Variants in PCDHGC3 observed in about 807,000 individuals in gnomAD.
PCDHGC3 encodes protocadherin gamma-C3.
Under a neutral mutation model 59.2 loss-of-function variants are expected in PCDHGC3, and 26 were observed. The observed-to-expected ratio is 0.44, with a 90% CI of 0.32 to 0.61. The LOEUF (loss-of-function observed/expected upper bound fraction) is 0.61. Ranked by LOEUF, PCDHGC3 falls within the 20% of genes least tolerant of loss-of-function variation. The pLI, the probability that PCDHGC3 is intolerant of heterozygous loss-of-function variation, is 0.05. For missense variants in PCDHGC3, 1,080 were observed against 1,221.8 expected (o/e 0.88, Z 1.73); for synonymous variants, 487 against 519.7 (o/e 0.94, Z 0.86).
chr5:141,509,067 C>T (rs987332283), intron 3 of PCDHGC3, among the ~76,000 whole-genome samples: 1 of 152,132 alleles, frequency 6.6e-6, no homozygotes, highest in African/African-American at 2.4e-5. Flanking sequence ...CTCTCAGCTC[C>T]GGGGATTTGC....
rs1399844519 is a variant in PCDHGC3 at position 141,477,484 on chromosome 5, A to G, written c.1368A>G (p.Gln456=). 1.2e-6 allele frequency: 2 copies of G among 1,614,014 alleles called. No homozygotes were observed. The highest frequency in any genetic ancestry group is 1.7e-6 in the Non-Finnish European group (2 of 1,180,006). ...QVSDINDNPP[Q]SSQSSYDVYI... ...CCGACATCAATGACAACCCTCCACAATCTTCTCAATCTTCCTACGACGTTT... is the reference window on the plus strand; with the variant it reads ...CCGACATCAATGACAACCCTCCACAGTCTTCTCAATCTTCCTACGACGTTT... Residue 456 remains glutamine, a synonymous_variant, in exon 1 of 4, where the codon CAA becomes CAG. Coordinates refer to ENST00000308177, the MANE Select transcript of PCDHGC3 (RefSeq NM_002588.4). This position sits in a 1 kb window ranked among gnomAD's most constrained non-coding sequence, Gnocchi z 4.9.
intron 3 of PCDHGC3, among the ~76,000 whole-genome samples, chr5:141,506,781 T>C (rs965408564): frequency 1.4e-4 from 22 of 152,168 alleles, no homozygotes; most frequent in African/African-American, 5.3e-4. Context: ...CCTGGGCTTA[T>C]AAGGAGGCTG....
intron 2 of PCDHGC3, among the ~76,000 whole-genome samples, chr5:141,499,612 C>T (rs1489412444): frequency 6.6e-6 from 1 of 151,968 alleles, no homozygotes; most frequent in African/African-American, 2.4e-5. Context: ...TACCCTTATC[C>T]TGTCCTTGGA....
rs1185020546 is a variant in PCDHGC3, at chr5:141,485,472, C to A, written c.2430+6926C>A. 3 of 1,614,138 alleles carry A rather than the reference C, an allele frequency of 1.9e-6. No homozygotes were observed. Among genetic ancestry groups the A allele is most frequent in the Non-Finnish European group, 2.5e-6 (3 of 1,180,022 alleles). On this transcript the variant is annotated intron_variant, in intron 1 of 3. Transcript: ENST00000308177. The surrounding 1 kb of genome is among the most constrained non-coding windows in gnomAD (Gnocchi z 5.7). The stretch of plus-strand genomic sequence containing the variant: ...CGAGAGGCACTGTGTGGGCTCAGTG[C>A]CAGCTGCATCGTGCCCCTGGAGTTT...
At chr5:141,503,335 G>A (rs111643076) in intron 2 of PCDHGC3, among the ~76,000 whole-genome samples, 108 of 152,220 alleles carry the variant, frequency 7.1e-4, no homozygotes, top group African/African-American at 2.4e-3. Context: ...GGTGGCTCAC[G>A]CCTGTAATTC....
chr5:141,479,941 T>C (rs983830280), intron 1 of PCDHGC3, among the ~76,000 whole-genome samples: 2 of 152,194 alleles, frequency 1.3e-5, no homozygotes, highest in Admixed American at 6.5e-5. Context: ...TGCTATCAAC[T>C]CTTGGATTTG....
chr5:141,492,084 G>A (rs979755390), intron 1 of PCDHGC3, among the ~76,000 whole-genome samples: 1 of 152,236 alleles, frequency 6.6e-6, no homozygotes, highest in Non-Finnish European at 1.5e-5. Flanking sequence ...GCTCCGGCAC[G>A]CTTCGCCGGT....
Position 141,486,059 on chromosome 5 carries a change from C to A in PCDHGC3, c.2430+7513C>A. On this transcript the variant is annotated intron_variant, in intron 1 of 3. Transcript: ENST00000308177. This position sits in a 1 kb window ranked among gnomAD's most constrained non-coding sequence, Gnocchi z 5.0. ...TCGTGTAAGAAACCTCTTTAGCCTG[C>A]ACCCCACTACTGGAAAGCTTACTCT... 1 of 1,614,152 alleles carries A rather than the reference C, an allele frequency of 6.2e-7. No homozygotes were observed. Among genetic ancestry groups the A allele is most frequent in the Non-Finnish European group, 8.5e-7 (1 of 1,180,010 alleles).
rs775963212 is a variant in PCDHGC3, at chr5:141,485,463, G to T, written c.2430+6917G>T. ...CCAATCGACCGAGAGGCACTGTGTG[G>T]GCTCAGTGCCAGCTGCATCGTGCCC... On this transcript the variant is annotated intron_variant, in intron 1 of 3. Coordinates refer to ENST00000308177, the MANE Select transcript of PCDHGC3 (RefSeq NM_002588.4). The surrounding 1 kb of genome is among the most constrained non-coding windows in gnomAD (Gnocchi z 5.7). The T allele has an allele frequency of 1.2e-6, 2 of 1,614,086 alleles. No individual in the cohort carries two copies. The highest frequency in any genetic ancestry group is 3.3e-5 in the Admixed American group (2 of 60,026).
chr5:141,490,380 T>A lies in PCDHGC3; in HGVS notation c.2431-4427T>A. On this transcript the variant is annotated intron_variant, in intron 1 of 3. Coordinates refer to ENST00000308177, the MANE Select transcript of PCDHGC3 (RefSeq NM_002588.4). The surrounding 1 kb of genome is among the most constrained non-coding windows in gnomAD (Gnocchi z 5.4). ...TTAATGTGCGAGACCGGGACTCAGG[T>A]AGAAATGGTGAAGTGAGCCTTGATA... 6.2e-7 allele frequency: 1 copy of A among 1,614,204 alleles called. No homozygotes were observed. The highest frequency in any genetic ancestry group is 1.7e-5 in the Admixed American group (1 of 60,026).
At position 141,498,920 on chromosome 5, in the gene PCDHGC3, G is replaced by A. The variant is rs930391165; in HGVS notation, c.2489+4055G>A. On this transcript the variant is annotated intron_variant, in intron 2 of 3. Transcript: ENST00000308177. ...TGCACTCCAGTCTGGGTGACAGAGC[G>A]AGACTCCATCAGGAAAGAAAGAAAG... 3.3e-4 allele frequency among the ~76,000 whole-genome samples: 47 copies of A among 142,950 alleles called. 1 individual carries two copies. Among genetic ancestry groups the A allele is most frequent in the African/African-American group, 8.9e-4 (35 of 39,160 alleles). The allele number at this position is 142,950 out of a possible 152,430, so 93.8% of individuals were successfully genotyped here. A position where few individuals can be genotyped will look rare whatever the true frequency, so the allele number is the denominator to read the frequency against.
chr5:141,510,621 A>G (rs1317150967), intron 3 of PCDHGC3, among the ~76,000 whole-genome samples: 1 of 152,176 alleles, frequency 6.6e-6, no homozygotes, highest in Non-Finnish European at 1.5e-5. Flanking sequence ...CACTAAAACC[A>G]GAAGAGGTGG....
chr5:141,488,480 C>A (rs935896624), intron 1 of PCDHGC3, among the ~76,000 whole-genome samples: 6 of 152,298 alleles, frequency 3.9e-5, no homozygotes, highest in African/African-American at 1.4e-4. Flanking sequence ...GTTCCCCTAC[C>A]CAAAAACTGT....
rs1177173734 is a variant in PCDHGC3, at chr5:141,491,741, G to A, written c.2431-3066G>A. ...CCGCCCCGGGCGACCCCTGGGGGCG[G>A]CACTGGAGAAGCCGCCCGTCCTCAT... On this transcript the variant is annotated intron_variant, in intron 1 of 3. Coordinates refer to ENST00000308177, the MANE Select transcript of PCDHGC3 (RefSeq NM_002588.4). The surrounding 1 kb of genome is among the most constrained non-coding windows in gnomAD (Gnocchi z 6.9). 1.9e-6 allele frequency: 3 copies of A among 1,595,644 alleles called. No homozygotes were observed. In the South Asian group the frequency reaches 3.4e-5, roughly 18 times the overall value.
intron 1 of PCDHGC3, among the ~76,000 whole-genome samples, chr5:141,492,337 C>T (rs559700346): frequency 1.0e-3 from 158 of 152,324 alleles, no homozygotes; most frequent in African/African-American, 3.7e-3. Flanking sequence ...TACGCGAATA[C>T]CAGCTTTCAC....
In PCDHGC3 at chr5:141,494,863, C is replaced by A. The variant is rs538734954; in HGVS notation, c.2487C>A (p.Ser829Arg). 17 of 1,614,118 alleles carry A rather than the reference C, an allele frequency of 1.1e-5. No individual in the cohort carries two copies. Among genetic ancestry groups the A allele is most frequent in the Non-Finnish European group, 1.4e-5 (17 of 1,179,994 alleles). Residue 829 changes from serine to arginine, a missense_variant and splice_region_variant, in exon 2 of 4, where the codon AGC becomes AGA. By Grantham distance (110) the Ser-to-Arg change is moderately radical. Transcript: ENST00000308177. ...RFSQAQRPGT[S>R]GSQNGDDTGT... ...CTCAGGCCCAGAGACCCGGCACCAG[C>A]GGGTAGGTGACTGATTCTCCAGCCC...
chr5:141,501,945 T>G (rs1318749969), intron 2 of PCDHGC3, among the ~76,000 whole-genome samples: 5 of 152,106 alleles, frequency 3.3e-5, no homozygotes, highest in African/African-American at 1.2e-4. Context: ...CACTGCTCCC[T>G]GTGACAGGTC....
intron 3 of PCDHGC3, among the ~76,000 whole-genome samples, chr5:141,510,203 G>A (rs1164886289): frequency 6.6e-6 from 1 of 151,680 alleles, no homozygotes; most frequent in Non-Finnish European, 1.5e-5. Flanking sequence ...AGCCCAGGAG[G>A]CAGAGGTTGC....
intron 1 of PCDHGC3, among the ~76,000 whole-genome samples, chr5:141,482,053 C>G (rs2099551080): frequency 6.6e-6 from 1 of 150,558 alleles, no homozygotes; most frequent in Non-Finnish European, 1.5e-5. Flanking sequence ...CTGTTGCATT[C>G]CAGCCTGGGC....
Sources: gnomAD v4.1 joint callset for allele counts (sites outside exome capture counted in the v4.1 genomes callset) on GRCh38, gnomAD v4.1.1 for gene constraint, Gnocchi (gnomAD v3.1) non-coding constraint, MANE v1.5 for transcripts, NCBI Gene and HGNC (gene_info 2026-07-23, HGNC 2026-07-21) for gene names.